The following NETO1 variants were observed in gnomAD, a reference collection of about 807,000 sequenced individuals.
The protein encoded by NETO1 is neuropilin and tolloid like 1.
In NETO1, 26 loss-of-function variants were observed where a neutral mutation model predicts 61.3. The observed-to-expected ratio is 0.42, with a 90% CI of 0.31 to 0.59. NETO1 has a LOEUF of 0.59. Among genes scored for constraint, NETO1 ranks in the 20% least tolerant of loss-of-function variants. The pLI, the probability that NETO1 is intolerant of heterozygous loss-of-function variation, is 0.12. For synonymous variants in NETO1, 225 were observed against 225.8 expected, an observed-to-expected ratio of 1.00 and a Z score of 0.03; for missense variants, 531 against 662.8, an observed-to-expected ratio of 0.80 and a Z score of 2.18.
chr18:72,799,220 A>G (rs1179240052), intron 4 of NETO1, among the ~76,000 whole-genome samples: 1 of 152,198 alleles, frequency 6.6e-6, no homozygotes, highest in Non-Finnish European at 1.5e-5. Flanking sequence ...CCATAACTAG[A>G]TGAACTGATG....
intron 4 of NETO1, chr18:72,834,576 C>T (rs964395678): frequency 1.0e-6 from 1 of 980,106 alleles, no homozygotes; most frequent in Non-Finnish European, 1.2e-6. Context: ...ATCTATTTCA[C>T]AACACTATTA....
At chr18:72,854,920 T>C (rs2074369869) in intron 4 of NETO1, among the ~76,000 whole-genome samples, 1 of 152,232 alleles carries the variant, frequency 6.6e-6, no homozygotes, top group Admixed American at 6.5e-5. Flanking sequence ...CTTCCTGCTA[T>C]CCCTTATCTG....
At chr18:72,827,708 C>T (rs1205824176) in intron 4 of NETO1, among the ~76,000 whole-genome samples, 1 of 141,520 alleles carries the variant, frequency 7.1e-6, no homozygotes, top group African/African-American at 2.6e-5. Flanking sequence ...CAAAGTGAGA[C>T]CCTGTCTCAA....
rs755218235 is a variant in NETO1, at chr18:72,835,306, G to C, written c.469+23520C>G. ...AACACTCTGTAGATCCTGCTAAGGA[G>C]TTTGCCTTTTATTCTGGAGGCAAAG... On this transcript the variant is annotated intron_variant, in intron 4 of 10. Coordinates refer to ENST00000327305, the MANE Select transcript of NETO1 (RefSeq NM_138966.5). 4.4e-6 allele frequency: 7 copies of C among 1,597,402 alleles called. No individual in the cohort carries two copies. The South Asian group carries it at 7.9e-5, about 18-fold the overall frequency.
chr18:72,864,822 A>G lies in NETO1; in HGVS notation c.206T>C (p.Ile69Thr). 6.2e-7 allele frequency: 1 copy of G among 1,613,822 alleles called. No individual in the cohort carries two copies. Among genetic ancestry groups the G allele is most frequent in the East Asian group, 2.2e-5 (1 of 44,872 alleles). The change falls in exon 3 of 11, where the codon ATC (isoleucine) becomes ACC (threonine). Residue 69 changes from isoleucine (I) to threonine (T), a missense_variant. Transcript: ENST00000327305. ...TCTCCCCTTACCTTCTATGATGTAG[A>G]TGCATTCCCGGTCAGGGGGATACTT... ...PSKYPPDREC[I>T]YIIEAAPRQC...
Position 72,769,219 on chromosome 18 carries a change from G to A in NETO1, c.869-13072C>T, listed in dbSNP as rs36010219. On this transcript the variant is annotated intron_variant, in intron 7 of 10. Transcript: ENST00000327305. The stretch of plus-strand genomic sequence containing the variant: ...TACCAAAGTGAATTCAAGGGTGTAC[G>A]CACTCATATCAAGGGGAGAGAAAGG... Among the ~76,000 whole-genome samples, 506 of 152,194 alleles carry A rather than the reference G, an allele frequency of 3.3e-3. 14 individuals carry two copies. In the South Asian group the frequency reaches 0.068, roughly 20 times the overall value.
At chr18:72,748,681 C>T (rs1277365257) in intron 10 of NETO1, among the ~76,000 whole-genome samples, 2 of 151,900 alleles carry the variant, frequency 1.3e-5, no homozygotes, top group African/African-American at 2.4e-5. Flanking sequence ...GTTTAAAAAC[C>T]TTGGTTTTTT....
Position 72,850,595 on chromosome 18 carries a change from T to C in NETO1, c.469+8231A>G, listed in dbSNP as rs533008296. Among the ~76,000 whole-genome samples, 4 of 152,366 alleles carry C rather than the reference T, an allele frequency of 2.6e-5. No homozygotes were observed. The East Asian group carries it at 7.7e-4, about 29-fold the overall frequency. Reference sequence around the variant, plus strand: ...CAGGGCTTTAGTAATTTGAAAAGCATGTTTCTTGAATACAATAATGAGTTA... The same window carrying C: ...CAGGGCTTTAGTAATTTGAAAAGCACGTTTCTTGAATACAATAATGAGTTA... On this transcript the variant is annotated intron_variant, in intron 4 of 10. Coordinates refer to ENST00000327305, the MANE Select transcript of NETO1 (RefSeq NM_138966.5).
chr18:72,854,805 CAAGT>C (rs998345685), intron 4 of NETO1, among the ~76,000 whole-genome samples: 4 of 149,666 alleles, frequency 2.7e-5, no homozygotes, highest in African/African-American at 4.8e-5. Context: ...ATAATTTATA[CAAGT>C]AATACCAAAA....
intron 4 of NETO1, among the ~76,000 whole-genome samples, chr18:72,797,185 T>C (rs1200052970): frequency 6.6e-6 from 1 of 152,230 alleles, no homozygotes. Flanking sequence ...CAGCCTTATG[T>C]GCCTGTTTCT....
intron 4 of NETO1, among the ~76,000 whole-genome samples, chr18:72,820,613 G>A (rs546315044): frequency 1.7e-4 from 26 of 152,338 alleles, no homozygotes; most frequent in African/African-American, 6.3e-4. Flanking sequence ...GTACCCAAAC[G>A]TTACTCTGGA....
At chr18:72,831,248 C>G (rs2073568255) in intron 4 of NETO1, among the ~76,000 whole-genome samples, 1 of 152,182 alleles carries the variant, frequency 6.6e-6, no homozygotes, top group African/African-American at 2.4e-5. Flanking sequence ...ACATCTGATT[C>G]CACAGACCAC....
intron 7 of NETO1, among the ~76,000 whole-genome samples, chr18:72,761,105 T>C (rs2145130679): frequency 6.6e-6 from 1 of 152,320 alleles, no homozygotes; most frequent in East Asian, 1.9e-4. Flanking sequence ...TATAAAATGT[T>C]AAGATGTATG....
At chr18:72,841,966 T>C (rs2073948464) in intron 4 of NETO1, among the ~76,000 whole-genome samples, 1 of 152,090 alleles carries the variant, frequency 6.6e-6, no homozygotes. Flanking sequence ...ATTTAGCTCT[T>C]TCTGAAATTT....
intron 6 of NETO1, among the ~76,000 whole-genome samples, chr18:72,790,266 A>G (rs2072069249): frequency 6.6e-6 from 1 of 152,188 alleles, no homozygotes. Context: ...AGCTTGATTT[A>G]ATCATTCCAT....
At chr18:72,831,404 A>G (rs563518726) in intron 4 of NETO1, among the ~76,000 whole-genome samples, 17 of 152,336 alleles carry the variant, frequency 1.1e-4, no homozygotes, top group African/African-American at 4.1e-4. Context: ...GGTACCTCAA[A>G]TGAAAGATGT....
At position 72,830,861 on chromosome 18, in the gene NETO1, T is replaced by G. The variant is rs962103669; in HGVS notation, c.469+27965A>C. Among the ~76,000 whole-genome samples, 28 of 152,200 alleles carry G rather than the reference T, an allele frequency of 1.8e-4. No homozygotes were observed. Among genetic ancestry groups the G allele is most frequent in the Non-Finnish European group, 3.8e-4 (26 of 68,024 alleles). On this transcript the variant is annotated intron_variant, in intron 4 of 10. Transcript: ENST00000327305. This position sits in a 1 kb window ranked among gnomAD's most constrained non-coding sequence, Gnocchi z 4.9. ...CTTATGGGTTCCAGTTGTTCACTTT[T>G]TATCCCCTATTTTCTTCTCTGAACA...
At chr18:72,852,475 A>C (rs1282313961) in intron 4 of NETO1, among the ~76,000 whole-genome samples, 3 of 152,202 alleles carry the variant, frequency 2.0e-5, no homozygotes, top group Non-Finnish European at 4.4e-5. Flanking sequence ...TCAACTTCCC[A>C]AAGTGCCGGG....
At chr18:72,836,117 C>A (rs1200535367) in intron 4 of NETO1, among the ~76,000 whole-genome samples, 1 of 152,186 alleles carries the variant, frequency 6.6e-6, no homozygotes, top group Non-Finnish European at 1.5e-5. Context: ...GATTTGAGCA[C>A]AGCCCATGCT....
Sources: allele counts gnomAD v4.1 joint callset (sites outside exome capture counted in the v4.1 genomes callset), GRCh38; gene constraint gnomAD v4.1.1; non-coding constraint Gnocchi (gnomAD v3.1); transcripts MANE v1.5; gene names NCBI Gene and HGNC (gene_info 2026-07-23, HGNC 2026-07-21).